Variants in ERI3 observed in about 807,000 individuals in gnomAD.
ERI3 encodes ERI1 exoribonuclease 3.
A neutral mutation model predicts 44.4 loss-of-function variants in ERI3; 18 were observed. The ratio of observed to expected loss-of-function variants is 0.41; its 90% CI spans 0.28 to 0.60. The LOEUF (loss-of-function observed/expected upper bound fraction) is 0.60, where lower values mean the gene tolerates loss of function less well. Ranked by LOEUF, ERI3 falls within the 20% of genes least tolerant of loss-of-function variation. The pLI is 0.36. For synonymous variants in ERI3, 183 were observed against 164.8 expected, an observed-to-expected ratio of 1.11 and a Z score of -0.84; for missense variants, 294 against 435.5, an observed-to-expected ratio of 0.68 and a Z score of 2.89.
At chr1:44,229,751 G>A (rs535125671) in intron 8 of ERI3, among the ~76,000 whole-genome samples, 23 of 104,256 alleles carry the variant, frequency 2.2e-4, no homozygotes, top group Admixed American at 2.0e-3. Context: ...CGGGAGCGGA[G>A]TTCTCAGGGG....
At chr1:44,327,829 G>C (rs1250082075) in intron 3 of ERI3, among the ~76,000 whole-genome samples, 3 of 152,188 alleles carry the variant, frequency 2.0e-5, no homozygotes, top group Non-Finnish European at 4.4e-5. Context: ...ATGAATCAGA[G>C]GCTTGGTTAG....
intron 8 of ERI3, among the ~76,000 whole-genome samples, chr1:44,223,970 T>G (rs764739677): frequency 6.6e-6 from 1 of 152,172 alleles, no homozygotes; most frequent in Admixed American, 6.5e-5. Flanking sequence ...GAGCTAATTT[T>G]CTCTCCAAGC....
At chr1:44,309,660 G>A (rs28588939) in intron 5 of ERI3, among the ~76,000 whole-genome samples, 1 of 151,710 alleles carries the variant, frequency 6.6e-6, no homozygotes, top group African/African-American at 2.4e-5. Context: ...CGCCTCCCGG[G>A]TTCACGCCAT....
chr1:44,313,756 C>G (rs893957350), intron 4 of ERI3, among the ~76,000 whole-genome samples: 2 of 152,102 alleles, frequency 1.3e-5, no homozygotes, highest in African/African-American at 4.8e-5. Context: ...TCCCTAACAT[C>G]CATGAAGTCC....
chr1:44,308,444 C>T, intron 5 of ERI3, 43 bp from the exon 6 acceptor site: 1 of 1,541,164 alleles, frequency 6.5e-7, no homozygotes, highest in Non-Finnish European at 9.0e-7. Context: ...CTTTTTTTTC[C>T]CTGAGCCTGT....
chr1:44,305,704 C>G lies in ERI3; in HGVS notation c.758+2606G>C, dbSNP rs186258021. Among the ~76,000 whole-genome samples, 3 of 152,192 alleles carry G rather than the reference C, an allele frequency of 2.0e-5. No homozygotes were observed. In the East Asian group the frequency reaches 5.8e-4, roughly 29 times the overall value. On this transcript the variant is annotated intron_variant, in intron 6 of 8. Coordinates refer to ENST00000372257, the MANE Select transcript of ERI3 (RefSeq NM_024066.3). Reference sequence around the variant, plus strand: ...CTTCAGTTCCCATTTCTCAGTGCCCCACTTATCAGCCCCTTTCCAACAAAA... The same window carrying G: ...CTTCAGTTCCCATTTCTCAGTGCCCGACTTATCAGCCCCTTTCCAACAAAA...
At chr1:44,314,533 A>T (rs1646042407) in intron 4 of ERI3, among the ~76,000 whole-genome samples, 2 of 152,228 alleles carry the variant, frequency 1.3e-5, no homozygotes, top group South Asian at 4.1e-4. Context: ...TGTTTTGCAA[A>T]GCTTTAACCC....
At chr1:44,269,443 C>T (rs1236231825) in intron 7 of ERI3, among the ~76,000 whole-genome samples, 1 of 152,226 alleles carries the variant, frequency 6.6e-6, no homozygotes, top group Non-Finnish European at 1.5e-5. Flanking sequence ...CCCATACTGG[C>T]ACATTCACCC....
chr1:44,322,858 A>T (rs1157083255), intron 3 of ERI3: 2 of 1,547,306 alleles, frequency 1.3e-6, no homozygotes, highest in Middle Eastern at 1.8e-4. Flanking sequence ...CACCTGAAGC[A>T]TGACAAACAT....
At chr1:44,226,446 T>C (rs1487574936) in intron 8 of ERI3, among the ~76,000 whole-genome samples, 2 of 152,110 alleles carry the variant, frequency 1.3e-5, no homozygotes, top group Non-Finnish European at 2.9e-5. Flanking sequence ...GACAGATCAA[T>C]TAGCAGATTG....
At chr1:44,261,555 A>T in intron 7 of ERI3, among the ~76,000 whole-genome samples, 1 of 152,264 alleles carries the variant, frequency 6.6e-6, no homozygotes, top group East Asian at 1.9e-4. Flanking sequence ...GGAGAGGGAA[A>T]AAAGGAGAGC....
intron 6 of ERI3, among the ~76,000 whole-genome samples, chr1:44,307,722 G>A (rs1027915368): frequency 3.9e-5 from 6 of 152,140 alleles, no homozygotes; most frequent in African/African-American, 7.2e-5. Context: ...GCAGCTTCCC[G>A]GAGCAGCCCT....
rs111511505 is a variant in ERI3 at position 44,226,676 on chromosome 1, T to C, written c.932-5036A>G. Among the ~76,000 whole-genome samples, 823 of 151,958 alleles carry C rather than the reference T, an allele frequency of 5.4e-3. 7 individuals carry two copies. The highest frequency in any genetic ancestry group is 0.019 in the African/African-American group (777 of 41,388). On this transcript the variant is annotated intron_variant, in intron 8 of 8. Coordinates refer to ENST00000372257, the MANE Select transcript of ERI3 (RefSeq NM_024066.3). ...TAAGGCATACCAGGGAAGGTGCAAATTTGGATGAGTTAAGTCATATTCCTA... is the reference window on the plus strand; with the variant it reads ...TAAGGCATACCAGGGAAGGTGCAAACTTGGATGAGTTAAGTCATATTCCTA...
Position 44,354,913 on chromosome 1 carries a change from C to T in ERI3, c.114G>A (p.Pro38=), listed in dbSNP as rs1326133585. 2.3e-6 allele frequency: 3 copies of T among 1,319,524 alleles called. No homozygotes were observed. Among genetic ancestry groups the T allele is most frequent in the Non-Finnish European group, 2.0e-6 (2 of 1,025,596 alleles). 81.7% of individuals were successfully genotyped at this position (1,319,524 alleles called of 1,614,324 possible). A position where few individuals can be genotyped will look rare whatever the true frequency, so the allele number is the denominator to read the frequency against. ...CCACCCCGGGGTGTTGCCCCCAACT[C>T]GGGCCCATCCAAGTCCAGGGGAGAG... ...PLTLPWTWMG[P]SWGQHPGHWG... is the part of the protein sequence containing the mutation. Residue 38 remains proline (P), a synonymous_variant, in exon 1 of 9, where the codon CCG becomes CCA. Transcript: ENST00000372257.
At chr1:44,315,812 C>G (rs1401657368) in intron 4 of ERI3, among the ~76,000 whole-genome samples, 1 of 152,198 alleles carries the variant, frequency 6.6e-6, no homozygotes, top group Admixed American at 6.5e-5. Context: ...GATGGACCAC[C>G]CCTTTTCAGC....
At chr1:44,332,372 G>A (rs12063937) in intron 3 of ERI3, among the ~76,000 whole-genome samples, 8,706 of 152,178 alleles carry the variant, frequency 0.057, 357 homozygotes, top group Middle Eastern at 0.17. Flanking sequence ...TAGGGGGGAT[G>A]TTTCCTGATT....
intron 6 of ERI3, among the ~76,000 whole-genome samples, chr1:44,292,290 G>C (rs1645523386): frequency 6.6e-6 from 1 of 152,106 alleles, no homozygotes; most frequent in African/African-American, 2.4e-5. Flanking sequence ...GATATGAATA[G>C]AGGAAGCACC....
At chr1:44,257,200 G>C (rs1170167767) in intron 7 of ERI3, among the ~76,000 whole-genome samples, 3 of 152,068 alleles carry the variant, frequency 2.0e-5, no homozygotes, top group Non-Finnish European at 4.4e-5. Context: ...TTAAATCCAT[G>C]GTAATCATAT....
chr1:44,261,299 C>T (rs562299162), intron 7 of ERI3, among the ~76,000 whole-genome samples: 6 of 152,362 alleles, frequency 3.9e-5, no homozygotes, highest in African/African-American at 1.4e-4. Flanking sequence ...CGGAGGAAGG[C>T]GCGAGTCAGT....
Sources: gnomAD v4.1 joint callset for allele counts (sites outside exome capture counted in the v4.1 genomes callset) on GRCh38, gnomAD v4.1.1 for gene constraint, MANE v1.5 for transcripts, NCBI Gene and HGNC (gene_info 2026-07-23, HGNC 2026-07-21) for gene names.